SDK1: variants seen among roughly 807,000 people sequenced by gnomAD.
SDK1 encodes sidekick cell adhesion molecule 1.
A neutral mutation model predicts 245.5 loss-of-function variants in SDK1; 157 were observed. The observed-to-expected ratio is 0.64, with a 90% CI of 0.56 to 0.73. The LOEUF (loss-of-function observed/expected upper bound fraction) is 0.73, where lower values mean the gene tolerates loss of function less well. Among genes scored for constraint, SDK1 ranks in the 30% least tolerant of loss-of-function variants. The pLI, the probability that SDK1 is intolerant of heterozygous loss-of-function variation, is 0.00. For missense variants in SDK1, 3,583 were observed against 3,002.3 expected (o/e 1.19, Z -4.52); for synonymous variants, 1,647 against 1,278.5 (o/e 1.29, Z -6.15).
At chr7:3,363,042 C>G (rs141485707) in intron 1 of SDK1, among the ~76,000 whole-genome samples, 9 of 152,156 alleles carry the variant, frequency 5.9e-5, no homozygotes, top group Non-Finnish European at 1.2e-4. Context: ...AATGCCACAT[C>G]TAGGATATTG....
intron 1 of SDK1, chr7:3,476,171 A>T (rs769267152): frequency 2.0e-5 from 3 of 152,600 alleles, no homozygotes; most frequent in Non-Finnish European, 2.9e-5. Context: ...AGCTTCCTAA[A>T]AGGTACGATA....
intron 4 of SDK1, among the ~76,000 whole-genome samples, chr7:3,778,371 G>A (rs915889592): frequency 6.6e-6 from 1 of 152,164 alleles, no homozygotes; most frequent in Non-Finnish European, 1.5e-5. Context: ...TAATGCTTTT[G>A]TTAAGTGTTT....
chr7:3,682,724 T>A (rs920531995), intron 4 of SDK1, among the ~76,000 whole-genome samples: 4 of 1,190 alleles, frequency 3.4e-3, no homozygotes, highest in Non-Finnish European at 0.018. Flanking sequence ...GATTTACAGT[T>A]TTTTTTTTTT....
At chr7:3,534,332 G>C (rs1778807477) in intron 1 of SDK1, among the ~76,000 whole-genome samples, 1 of 152,092 alleles carries the variant, frequency 6.6e-6, no homozygotes, top group Non-Finnish European at 1.5e-5. Context: ...GGCTATTGTG[G>C]ATAATGCTGC....
chr7:3,744,231 G>A (rs1779553011), intron 4 of SDK1, among the ~76,000 whole-genome samples: 1 of 151,726 alleles, frequency 6.6e-6, no homozygotes. Flanking sequence ...ATCCAAAATA[G>A]CCCCCCTCCC....
At chr7:4,192,858 A>G (rs1460645843) in intron 35 of SDK1, among the ~76,000 whole-genome samples, 1 of 151,864 alleles carries the variant, frequency 6.6e-6, no homozygotes, top group South Asian at 2.1e-4. Context: ...GTGATCCTCA[A>G]GCAGCTCTCA....
chr7:3,895,358 A>T (rs200685410), intron 5 of SDK1, among the ~76,000 whole-genome samples: 1 of 152,188 alleles, frequency 6.6e-6, no homozygotes, highest in East Asian at 1.9e-4. Context: ...TTCCCTAGTC[A>T]CTTCCAGCCA....
At chr7:3,335,308 A>G (rs781053924) in intron 1 of SDK1, among the ~76,000 whole-genome samples, 8 of 152,024 alleles carry the variant, frequency 5.3e-5, no homozygotes, top group Admixed American at 1.3e-4. Context: ...TTTACCCCCT[A>G]AGCATTATCC....
At chr7:3,405,380 C>T (rs767083218) in intron 1 of SDK1, among the ~76,000 whole-genome samples, 37 of 152,166 alleles carry the variant, frequency 2.4e-4, no homozygotes, top group Non-Finnish European at 2.6e-4. Context: ...AGATTTTAAA[C>T]ACTGAAGTGC....
intron 17 of SDK1, among the ~76,000 whole-genome samples, chr7:4,033,267 C>G (rs1167815626): frequency 6.6e-6 from 1 of 152,130 alleles, no homozygotes; most frequent in African/African-American, 2.4e-5. Flanking sequence ...GGAAAAAATA[C>G]AAAACTGTAT....
intron 22 of SDK1, among the ~76,000 whole-genome samples, chr7:4,085,844 T>C (rs35639799): frequency 0.3 from 45,429 of 152,084 alleles, 8,023 homozygotes; most frequent in African/African-American, 0.49. Context: ...TGTGAGCCAC[T>C]GCACCTAGCT....
At chr7:3,405,179 AAAAC>A (rs1038253422) in intron 1 of SDK1, among the ~76,000 whole-genome samples, 1 of 145,370 alleles carries the variant, frequency 6.9e-6, no homozygotes, top group Non-Finnish European at 1.5e-5. Flanking sequence ...AACAAAAACA[AAAAC>A]AAAAAACACT....
intron 38 of SDK1, among the ~76,000 whole-genome samples, chr7:4,214,447 C>T (rs948876021): frequency 6.6e-6 from 1 of 152,180 alleles, no homozygotes; most frequent in Non-Finnish European, 1.5e-5. Context: ...TTGTCTGTTG[C>T]GAAGGGCTGG....
intron 1 of SDK1, among the ~76,000 whole-genome samples, chr7:3,475,077 T>C (rs1354025386): frequency 1.3e-5 from 2 of 152,186 alleles, no homozygotes; most frequent in African/African-American, 4.8e-5. Flanking sequence ...AGGATGATAA[T>C]TTTAAAACAC....
chr7:3,741,301 C>G (rs975185528), intron 4 of SDK1, among the ~76,000 whole-genome samples: 22 of 152,180 alleles, frequency 1.4e-4, no homozygotes, highest in African/African-American at 5.3e-4. Flanking sequence ...GCCCACCTCC[C>G]TCACTGGCAC....
intron 22 of SDK1, among the ~76,000 whole-genome samples, chr7:4,098,914 C>G (rs758114392): frequency 1.4e-5 from 2 of 146,206 alleles, no homozygotes; most frequent in Non-Finnish European, 3.0e-5. Flanking sequence ...CTCAAGCGAT[C>G]CTCCTGCCCC....
In SDK1 at chr7:3,612,954, G is replaced by C. The variant is rs940317722; in HGVS notation, c.299-6126G>C. On this transcript the variant is annotated intron_variant, in intron 1 of 44. Coordinates refer to ENST00000404826, the MANE Select transcript of SDK1 (RefSeq NM_152744.4). ...GTACAGTTGATTCTTCTGCTAAGTG[G>C]AGGTTGATTATTTCTTTATTCATTA... Among the ~76,000 whole-genome samples the C allele has an allele frequency of 6.6e-5, 10 of 152,244 alleles. No individual in the cohort carries two copies. The South Asian group carries it at 8.3e-4, about 13-fold the overall frequency.
At position 4,160,585 on chromosome 7, in the gene SDK1, G is replaced by A. The variant is rs957411166; in HGVS notation, c.4730-1201G>A. 5.3e-5 allele frequency among the ~76,000 whole-genome samples: 8 copies of A among 152,214 alleles called. No homozygotes were observed. In the East Asian group the frequency reaches 9.6e-4, roughly 18 times the overall value. ...TCTCTCCAGGGGTTGGGGAACCCTC[G>A]GCAAGATAGGGAGAGTCCTCTGAGT... On this transcript the variant is annotated intron_variant, in intron 31 of 44. Transcript: ENST00000404826.
chr7:4,079,234 G>A (rs1253386889), intron 21 of SDK1, among the ~76,000 whole-genome samples: 2 of 152,180 alleles, frequency 1.3e-5, no homozygotes, highest in African/African-American at 4.8e-5. Context: ...CCATGTTAGC[G>A]ACGTGTCTCC....
Sources: allele counts gnomAD v4.1 joint callset (sites outside exome capture counted in the v4.1 genomes callset), GRCh38; gene constraint gnomAD v4.1.1; transcripts MANE v1.5; gene names NCBI Gene and HGNC (gene_info 2026-07-23, HGNC 2026-07-21).